The following PIBF1 variants were observed in gnomAD, a reference collection of about 807,000 sequenced individuals.
The protein encoded by PIBF1 is progesterone immunomodulatory binding factor 1.
Under a neutral mutation model 112.5 loss-of-function variants are expected in PIBF1, and 90 were observed. That is an observed-to-expected ratio of 0.80 (90% CI 0.67 to 0.95). PIBF1 has a LOEUF of 0.95. Ranked by LOEUF, PIBF1 falls within the 40% of genes least tolerant of loss-of-function variation. The pLI is 0.00. For synonymous variants in PIBF1, 301 were observed against 288.6 expected, an observed-to-expected ratio of 1.04 and a Z score of -0.44; for missense variants, 915 against 852.3, an observed-to-expected ratio of 1.07 and a Z score of -0.92.
At chr13:72,912,120 A>G (rs973146834) in intron 12 of PIBF1, among the ~76,000 whole-genome samples, 36 of 152,202 alleles carry the variant, frequency 2.4e-4, no homozygotes, top group Admixed American at 2.4e-3. Context: ...AAGGCAAGGA[A>G]ACAGATTTCA....
At chr13:72,882,695 T>G (rs570313294) in intron 10 of PIBF1, among the ~76,000 whole-genome samples, 4 of 152,138 alleles carry the variant, frequency 2.6e-5, no homozygotes, top group Non-Finnish European at 5.9e-5. Flanking sequence ...AGGTGCTCAA[T>G]ATCACTGATC....
At chr13:72,844,051 A>G (rs1394985007) in intron 9 of PIBF1, among the ~76,000 whole-genome samples, 1 of 152,228 alleles carries the variant, frequency 6.6e-6, no homozygotes, top group African/African-American at 2.4e-5. Context: ...TTTATTGAGT[A>G]CCTATTATGC....
intron 5 of PIBF1, among the ~76,000 whole-genome samples, chr13:72,819,779 TA>T (rs779291445): frequency 1.7e-4 from 26 of 152,140 alleles, no homozygotes; most frequent in Non-Finnish European, 3.2e-4. Context: ...CTAAATACTT[TA>T]AAGGCTTTTT....
chr13:72,921,410 G>A (rs188251631), intron 13 of PIBF1, among the ~76,000 whole-genome samples: 35 of 152,112 alleles, frequency 2.3e-4, no homozygotes, highest in Admixed American at 5.2e-4. Context: ...ACCACACCAA[G>A]CCATGTTTAT....
intron 13 of PIBF1, among the ~76,000 whole-genome samples, chr13:72,927,978 C>CATATATATACAT (rs2041559085): frequency 1.3e-5 from 1 of 74,378 alleles, no homozygotes; most frequent in Non-Finnish European, 2.9e-5. Flanking sequence ...TATATATATA[C>CATATATATACAT]ATATATATAT....
chr13:72,920,114 G>A (rs566032888), intron 13 of PIBF1, among the ~76,000 whole-genome samples: 2 of 152,300 alleles, frequency 1.3e-5, no homozygotes, highest in East Asian at 1.9e-4. Context: ...AAAAATAGAG[G>A]TTGGTTTTTA....
chr13:72,914,282 A>G (rs2041007518), intron 12 of PIBF1, among the ~76,000 whole-genome samples: 1 of 152,144 alleles, frequency 6.6e-6, no homozygotes, highest in Admixed American at 6.5e-5. Context: ...TAATCAAATA[A>G]GTATTATTTG....
chr13:72,896,099 G>A (rs2040272120), intron 11 of PIBF1, among the ~76,000 whole-genome samples: 1 of 152,118 alleles, frequency 6.6e-6, no homozygotes, highest in African/African-American at 2.4e-5. Context: ...ATCCATGATG[G>A]AGAGACCCAT....
chr13:72,811,077 G>C (rs1566300112), intron 5 of PIBF1, among the ~76,000 whole-genome samples: 1 of 152,082 alleles, frequency 6.6e-6, no homozygotes, highest in Non-Finnish European at 1.5e-5. Flanking sequence ...AGCCAGGATG[G>C]TCTTGATCTC....
At chr13:72,916,180 G>A (rs1055738312) in intron 12 of PIBF1, among the ~76,000 whole-genome samples, 2 of 151,960 alleles carry the variant, frequency 1.3e-5, no homozygotes, top group African/African-American at 4.8e-5. Context: ...CCTGAGGTTG[G>A]GAGTTTGAGA....
At chr13:72,934,426 T>A (rs1246266517) in intron 14 of PIBF1, among the ~76,000 whole-genome samples, 2 of 152,148 alleles carry the variant, frequency 1.3e-5, no homozygotes, top group Non-Finnish European at 2.9e-5. Flanking sequence ...GCCTCCCGAG[T>A]AGCTGGTATT....
chr13:72,860,143 G>A (rs570544220), intron 10 of PIBF1, among the ~76,000 whole-genome samples: 1 of 152,264 alleles, frequency 6.6e-6, no homozygotes, highest in Non-Finnish European at 1.5e-5. Context: ...CATCAAGTGG[G>A]TAGCTTGATG....
intron 5 of PIBF1, among the ~76,000 whole-genome samples, chr13:72,806,290 T>G (rs2035726738): frequency 6.6e-6 from 1 of 152,204 alleles, no homozygotes; most frequent in African/African-American, 2.4e-5. Flanking sequence ...AGTAGAGTCC[T>G]ACAGTATTTG....
chr13:72,863,014 G>T (rs933268628), intron 10 of PIBF1, among the ~76,000 whole-genome samples: 1 of 152,142 alleles, frequency 6.6e-6, no homozygotes, highest in Non-Finnish European at 1.5e-5. Context: ...TTGATGGTAA[G>T]AGAAATAGTG....
At chr13:72,819,446 C>T (rs995504092) in intron 5 of PIBF1, among the ~76,000 whole-genome samples, 3 of 152,036 alleles carry the variant, frequency 2.0e-5, no homozygotes, top group Admixed American at 2.0e-4. Context: ...TATTGTCAAG[C>T]TTGTTTCATT....
chr13:72,956,153 T>C (rs1188818086), intron 14 of PIBF1, among the ~76,000 whole-genome samples: 3 of 152,190 alleles, frequency 2.0e-5, no homozygotes, highest in African/African-American at 4.8e-5. Flanking sequence ...ATTCATGTTA[T>C]TGAATATCAA....
At chr13:72,951,918 TCTTGTTGGC>T (rs564413516) in intron 14 of PIBF1, among the ~76,000 whole-genome samples, 4 of 152,094 alleles carry the variant, frequency 2.6e-5, no homozygotes, top group African/African-American at 9.7e-5. Context: ...GCCAGGCTGG[TCTTGTTGGC>T]CATGTTGGCC....
chr13:72,853,950 C>A (rs1264511956), intron 9 of PIBF1, 107 bp from the exon 10 acceptor site: 2 of 835,470 alleles, frequency 2.4e-6, no homozygotes, highest in East Asian at 2.7e-5. Context: ...ACTTTGGGTC[C>A]CCAACTTCTC....
rs2038997606 is a variant in PIBF1, at chr13:72,868,012, T to A, written c.1322+13857T>A. On this transcript the variant is annotated intron_variant, in intron 10 of 17. Transcript: ENST00000326291. ...ATGGCAGATGCACAAAATAATAACA[T>A]CTCTGGGCTGTGTGTGGTGGTTCAC... Among the ~76,000 whole-genome samples the A allele has an allele frequency of 2.0e-5, 3 of 151,890 alleles. No homozygotes were observed. The South Asian group carries it at 6.2e-4, about 32-fold the overall frequency.
Sources: allele counts gnomAD v4.1 joint callset (sites outside exome capture counted in the v4.1 genomes callset), GRCh38; gene constraint gnomAD v4.1.1; transcripts MANE v1.5; gene names NCBI Gene and HGNC (gene_info 2026-07-23, HGNC 2026-07-21).